Variants in CPNE7 observed in about 807,000 individuals in gnomAD.
The protein encoded by CPNE7 is copine-7.
A neutral mutation model predicts 66.5 loss-of-function variants in CPNE7; 78 were observed. The ratio of observed to expected loss-of-function variants is 1.17; its 90% CI spans 0.98 to 1.42. CPNE7 has a LOEUF of 1.42. CPNE7 is among the 40% of genes most tolerant of loss of function. The pLI, the probability that CPNE7 is intolerant of heterozygous loss-of-function variation, is 0.00. For missense variants in CPNE7, 1,012 were observed against 776.6 expected, an observed-to-expected ratio of 1.30 and a Z score of -3.60; for synonymous variants, 468 against 336.7, an observed-to-expected ratio of 1.39 and a Z score of -4.27.
chr16:89,593,978 A>G (rs1424480901), intron 13 of CPNE7: 1 of 152,154 alleles, frequency 6.6e-6, no homozygotes, highest in Non-Finnish European at 1.5e-5. Context: ...ACGACACCTG[A>G]TCACACCTAA....
chr16:89,597,167 CG>C lies in CPNE7; in HGVS notation c.*550del, dbSNP rs2059269576. The C allele has an allele frequency of 7.2e-6, 1 of 139,670 alleles. No homozygotes were observed. Among genetic ancestry groups the C allele is most frequent in the Admixed American group, 6.8e-5 (1 of 14,810 alleles). The allele number at this position is 139,670 out of a possible 1,614,324, so 8.7% of individuals were successfully genotyped here. On this transcript the variant is annotated 3_prime_UTR_variant, in exon 15 of 15. Transcript: ENST00000319518. Reference sequence around the variant, plus strand: ...TCTGCACCTGGGTCCATGGGGTCTGCGGGGTCTGCGGGGTCTGCCTGGCCTG... The same window carrying C: ...TCTGCACCTGGGTCCATGGGGTCTGCGGGTCTGCGGGGTCTGCCTGGCCTG...
intron 13 of CPNE7, among the ~76,000 whole-genome samples, chr16:89,592,140 C>G (rs1567965863): frequency 6.6e-6 from 1 of 150,880 alleles, no homozygotes; most frequent in East Asian, 1.9e-4. Context: ...TCCTAAGTAG[C>G]TGGGACTACA....
At chr16:89,576,111 G>A (rs1186293151) in intron 1 of CPNE7, 40 bp downstream of exon 1, 6 of 1,238,570 alleles carry the variant, frequency 4.8e-6, no homozygotes, top group Non-Finnish European at 5.1e-6. Context: ...CCACCGGGCC[G>A]GGGCTGGCGC....
intron 3 of CPNE7, 42 bp from the exon 4 acceptor site, chr16:89,583,986 C>T (rs2058996013): frequency 6.2e-7 from 1 of 1,607,462 alleles, no homozygotes; most frequent in African/African-American, 1.3e-5. Flanking sequence ...TGGGGTCAGG[C>T]CCCACCTGGC....
chr16:89,591,246 A>G lies in CPNE7; in HGVS notation c.1288A>G (p.Thr430Ala). The G allele has an allele frequency of 6.3e-7, 1 of 1,583,694 alleles. No individual in the cohort carries two copies. Among genetic ancestry groups the G allele is most frequent in the Non-Finnish European group, 8.6e-7 (1 of 1,165,334 alleles). ...VARVAAAEES[T>A]GKASQYYILL... is the part of the protein sequence containing the mutation. ...ACGCGTGGCGGCGGCCGAGGAGAGC[A>G]CCGGGAAAGCCTCTGTAGGTGCCCG... The change falls in exon 13 of 15, where the codon ACC becomes GCC. Residue 430 changes from threonine to alanine, a missense_variant. Physicochemically the swap from Thr to Ala is moderately conservative, Grantham distance 58. Transcript: ENST00000319518.
intron 9 of CPNE7, 130 bp from the exon 10 acceptor site, chr16:89,588,545 C>T: frequency 8.6e-7 from 1 of 1,162,326 alleles, no homozygotes; most frequent in Non-Finnish European, 1.2e-6. Context: ...ACAGCAGCCC[C>T]CCAGCCCTAC....
Position 89,587,886 on chromosome 16 carries a change from C to T in CPNE7, c.927+784C>T, listed in dbSNP as rs1182752739. ...CAGATACACGGCCCCCCGTGTCACC[C>T]GCGTGTCACCCACAGATACACGGCC... On this transcript the variant is annotated intron_variant, in intron 9 of 14. Coordinates refer to ENST00000319518, the MANE Select transcript of CPNE7 (RefSeq NM_153636.3). Among the ~76,000 whole-genome samples, 153 of 70,170 alleles carry T rather than the reference C, an allele frequency of 2.2e-3. 4 individuals are homozygous for T. Among genetic ancestry groups the T allele is most frequent in the Middle Eastern group, 0.013 (1 of 78 alleles). 46.0% of individuals were successfully genotyped at this position (70,170 alleles called of 152,430 possible). A position where few individuals can be genotyped will look rare whatever the true frequency, so the allele number is the denominator to read the frequency against.
intron 7 of CPNE7, 63 bp from the exon 8 acceptor site, chr16:89,586,607 G>A (rs1343687223): frequency 1.5e-6 from 2 of 1,372,370 alleles, no homozygotes; most frequent in East Asian, 4.6e-5. Context: ...GTCTTGGGTA[G>A]GGTCTCCCTG....
rs2059263548 is a variant in CPNE7 at position 89,596,760 on chromosome 16, T to G, written c.*139T>G. 3 of 1,124,560 alleles carry G rather than the reference T, an allele frequency of 2.7e-6. No individual in the cohort carries two copies. Among genetic ancestry groups the G allele is most frequent in the Non-Finnish European group, 3.5e-6 (3 of 853,006 alleles). 69.7% of individuals were successfully genotyped at this position (1,124,560 alleles called of 1,614,324 possible). A position where few individuals can be genotyped will look rare whatever the true frequency, so the allele number is the denominator to read the frequency against. ...CACCAGGCCCCACTCCCAGTCCTCC[T>G]GGGATCCTGCTGGCTTGGGCCCGGC... On this transcript the variant is annotated 3_prime_UTR_variant, in exon 15 of 15. Coordinates refer to ENST00000319518, the MANE Select transcript of CPNE7 (RefSeq NM_153636.3).
chr16:89,586,375 G>A (rs747290891), intron 7 of CPNE7, among the ~76,000 whole-genome samples: 55 of 151,814 alleles, frequency 3.6e-4, no homozygotes, highest in African/African-American at 1.1e-3. Flanking sequence ...CACAGCAGCC[G>A]GGTGAGGGTG....
chr16:89,596,475 A>T lies in CPNE7; in HGVS notation c.1540-9A>T. 1 of 1,603,116 alleles carries T rather than the reference A, an allele frequency of 6.2e-7. No individual in the cohort carries two copies. The highest frequency in any genetic ancestry group is 8.5e-7 in the Non-Finnish European group (1 of 1,177,220). ...GTCCCAGAGGTAACTGCGTTGTCCC[A>T]TCCTCCAGGCATCCCCTGCGGCGCT... On this transcript the variant is annotated splice_polypyrimidine_tract_variant and intron_variant, in intron 14 of 14. Coordinates refer to ENST00000319518, the MANE Select transcript of CPNE7 (RefSeq NM_153636.3).
chr16:89,576,057 G>T lies in CPNE7; in HGVS notation c.160G>T (p.Gly54Cys). The change falls in exon 1 of 15, where the codon GGC becomes TGC. Residue 54 changes from glycine (G) to cysteine (C), a missense_variant. Physicochemically the swap from Gly to Cys is radical, Grantham distance 159. Transcript: ENST00000319518. Reference sequence around the variant, plus strand: ...CGTGGCGTTGCTGCAGCAGGCGCAGGGCCAGTGGGTGCAGGTAGGGCCGGG... The same window carrying T: ...CGTGGCGTTGCTGCAGCAGGCGCAGTGCCAGTGGGTGCAGGTAGGGCCGGG... ...PSVALLQQAQ[G>C]QWVQVGRTEV... 7.7e-7 allele frequency: 1 copy of T among 1,303,576 alleles called. No individual in the cohort carries two copies. The allele number at this position is 1,303,576 out of a possible 1,614,324, so 80.8% of individuals were successfully genotyped here. A position where few individuals can be genotyped will look rare whatever the true frequency, so the allele number is the denominator to read the frequency against.
At chr16:89,590,490 A>G (rs1159564276) in intron 11 of CPNE7, among the ~76,000 whole-genome samples, 2 of 152,156 alleles carry the variant, frequency 1.3e-5, no homozygotes, top group Non-Finnish European at 1.5e-5. Flanking sequence ...GCACCACTGC[A>G]GTCCAGCCTG....
At position 89,596,712 on chromosome 16, in the gene CPNE7, A is replaced by G; in HGVS notation, c.*91A>G. On this transcript the variant is annotated 3_prime_UTR_variant, in exon 15 of 15. Coordinates refer to ENST00000319518, the MANE Select transcript of CPNE7 (RefSeq NM_153636.3). ...CTTGGGGTCCCTTAAGCTCCCTCCGACCTCCCAGAAGCCTCCAGTCCCCAC... is the reference window on the plus strand; with the variant it reads ...CTTGGGGTCCCTTAAGCTCCCTCCGGCCTCCCAGAAGCCTCCAGTCCCCAC... 1.5e-6 allele frequency: 2 copies of G among 1,349,148 alleles called. No homozygotes were observed. The highest frequency in any genetic ancestry group is 1.9e-6 in the Non-Finnish European group (2 of 1,040,382). 83.6% of individuals were successfully genotyped at this position (1,349,148 alleles called of 1,614,324 possible). A position where few individuals can be genotyped will look rare whatever the true frequency, so the allele number is the denominator to read the frequency against.
chr16:89,593,453 C>T (rs544070320), intron 13 of CPNE7, among the ~76,000 whole-genome samples: 6 of 151,720 alleles, frequency 4.0e-5, no homozygotes, highest in African/African-American at 9.7e-5. Flanking sequence ...CCCGGGTTCA[C>T]GCCATTCTCC....
chr16:89,586,052 G>T (rs1233016637), intron 7 of CPNE7, among the ~76,000 whole-genome samples: 1 of 116,814 alleles, frequency 8.6e-6, no homozygotes, highest in East Asian at 2.6e-4. Flanking sequence ...ATTCAGGGAG[G>T]GGCAGGTGAG....
rs143671846 is a variant in CPNE7, at chr16:89,595,510, C to T, written c.1446C>T (p.Val482=). ...ACGCCGACTTCACCGACATGCAGGTCCTGGACGGCGACGACGGCGTCCTGC... is the reference window on the plus strand; with the variant it reads ...ACGCCGACTTCACCGACATGCAGGTTCTGGACGGCGACGACGGCGTCCTGC... The part of the protein sequence containing the change: ...VGNADFTDMQ[V]LDGDDGVLRS... The change falls in exon 14 of 15, where the codon GTC becomes GTT. Residue 482 remains valine (V), a synonymous_variant. Coordinates refer to ENST00000319518, the MANE Select transcript of CPNE7 (RefSeq NM_153636.3). 3.1e-6 allele frequency: 5 copies of T among 1,612,522 alleles called. No individual in the cohort carries two copies. The highest frequency in any genetic ancestry group is 2.7e-5 in the African/African-American group (2 of 74,950).
At chr16:89,595,835 G>GA (rs1367994679) in intron 14 of CPNE7, 1 of 666,596 alleles carries the variant, frequency 1.5e-6, no homozygotes, top group South Asian at 1.5e-5. Context: ...CAAAAGCAGA[G>GA]AACAGCACAA....
chr16:89,588,768 G>A lies in CPNE7; in HGVS notation c.1021G>A (p.Ala341Thr), dbSNP rs776411470. ...NPYQPNEYLK[A>T]LVSVGEICQD... ...CTACCAGCCGAACGAGTACCTGAAGGCACTGGTGTCCGTGGGCGAGATCTG... is the reference window on the plus strand; with the variant it reads ...CTACCAGCCGAACGAGTACCTGAAGACACTGGTGTCCGTGGGCGAGATCTG... The change falls in exon 10 of 15, where the codon GCA becomes ACA. Residue 341 changes from alanine (A) to threonine (T), a missense_variant. Ala to Thr is a moderately conservative substitution (Grantham distance 58, BLOSUM62 0). Coordinates refer to ENST00000319518, the MANE Select transcript of CPNE7 (RefSeq NM_153636.3). 10 of 1,613,606 alleles carry A rather than the reference G, an allele frequency of 6.2e-6. No homozygotes were observed. Among genetic ancestry groups the A allele is most frequent in the Non-Finnish European group, 8.5e-6 (10 of 1,179,960 alleles).
Sources: gnomAD v4.1 joint callset for allele counts (sites outside exome capture counted in the v4.1 genomes callset) on GRCh38, gnomAD v4.1.1 for gene constraint, MANE v1.5 for transcripts, NCBI Gene and HGNC (gene_info 2026-07-23, HGNC 2026-07-21) for gene names.